DMD: variants seen among roughly 807,000 people sequenced by gnomAD.
DMD encodes the protein mutant dystrophin.
DMD carries 63 observed loss-of-function variants against 330.1 expected under a neutral mutation model. The ratio of observed to expected loss-of-function variants is 0.19; its 90% CI spans 0.16 to 0.24. The LOEUF (loss-of-function observed/expected upper bound fraction) is 0.24, where lower values mean the gene tolerates loss of function less well. DMD is among the 10% of genes least tolerant of loss of function. The pLI, the probability that DMD is intolerant of heterozygous loss-of-function variation, is 1.00. For synonymous variants in DMD, 1,223 were observed against 959.8 expected, an observed-to-expected ratio of 1.27 and a Z score of -5.07; for missense variants, 3,344 against 2,684.1, an observed-to-expected ratio of 1.25 and a Z score of -5.43.
intron 29 of DMD, among the ~76,000 whole-genome samples, chrX:32,437,088 A>G (rs750997221): frequency 8.9e-6 from 1 of 112,425 alleles, no homozygotes; most frequent in South Asian, 3.7e-4. Flanking sequence ...TTCCAATTCC[A>G]TATCACAACC....
In DMD at chrX:32,234,274, G is replaced by A. The variant is rs920081195; in HGVS notation, c.6291-17211C>T. On this transcript the variant is annotated intron_variant, in intron 43 of 78. Coordinates refer to ENST00000357033, the MANE Select transcript of DMD (RefSeq NM_004006.3). ...TTTATTGCCTATCAGTTTTAACCACGTGCAAATGAACGTTATGCAAGATGA... is the reference window on the plus strand; with the variant it reads ...TTTATTGCCTATCAGTTTTAACCACATGCAAATGAACGTTATGCAAGATGA... Among the ~76,000 whole-genome samples, 5 of 112,244 alleles carry A rather than the reference G, an allele frequency of 4.5e-5. No homozygotes were observed. The Admixed American group carries it at 4.7e-4, about 11-fold the overall frequency.
intron 62 of DMD, among the ~76,000 whole-genome samples, chrX:31,279,638 T>C (rs1227792946): frequency 1.8e-5 from 2 of 112,472 alleles, no homozygotes; most frequent in Non-Finnish European, 3.8e-5. Context: ...GATGACAGCC[T>C]GTCAACCATC....
intron 2 of DMD, among the ~76,000 whole-genome samples, chrX:32,904,606 G>T (rs377175683): frequency 8.9e-6 from 1 of 111,790 alleles, no homozygotes; most frequent in African/African-American, 3.2e-5. Flanking sequence ...ATGGAGTCTC[G>T]CTCTGTCACC....
At chrX:32,414,723 G>A (rs774979255) in intron 29 of DMD, among the ~76,000 whole-genome samples, 1 of 112,113 alleles carries the variant, frequency 8.9e-6, no homozygotes, top group East Asian at 2.8e-4. Context: ...ACTGCTCAGA[G>A]ATGTATCTTT....
rs186581718 is a variant in DMD, at chrX:32,091,626, G to T, written c.6439-123112C>A. On this transcript the variant is annotated intron_variant, in intron 44 of 78. Coordinates refer to ENST00000357033, the MANE Select transcript of DMD (RefSeq NM_004006.3). ...TTAAAATGGTCCCATCTAATCCACA[G>T]GTTTTTAAAGTTACAGTTAATAATC... 2.7e-5 allele frequency among the ~76,000 whole-genome samples: 3 copies of T among 110,447 alleles called. No individual in the cohort carries two copies. The East Asian group carries it at 8.6e-4, about 31-fold the overall frequency.
At chrX:32,951,059 A>G (rs1335942031) in intron 2 of DMD, among the ~76,000 whole-genome samples, 3 of 111,729 alleles carry the variant, frequency 2.7e-5, no homozygotes, top group Non-Finnish European at 5.6e-5. Context: ...ATAAACTGAG[A>G]AAATCATCAG....
intron 9 of DMD, among the ~76,000 whole-genome samples, chrX:32,662,682 G>C (rs2061023501): frequency 9.0e-6 from 1 of 111,546 alleles, no homozygotes; most frequent in South Asian, 3.7e-4. Context: ...AGATTATCTG[G>C]AGGTGTTATT....
chrX:32,451,437 T>C (rs774247625), intron 26 of DMD, among the ~76,000 whole-genome samples: 44 of 110,734 alleles, frequency 4.0e-4, no homozygotes, highest in Non-Finnish European at 4.4e-4. Flanking sequence ...CTTTCCAGAG[T>C]GTTTTTCAAA....
rs1334797681 is a variant in DMD at position 32,064,503 on chromosome X, C to G, written c.6439-95989G>C. Reference sequence around the variant, plus strand: ...ACATCTACATTAATTTAAACCTTGGCAAACGTTAAACAAGTAAATTACGAA... The same window carrying G: ...ACATCTACATTAATTTAAACCTTGGGAAACGTTAAACAAGTAAATTACGAA... On this transcript the variant is annotated intron_variant, in intron 44 of 78. Coordinates refer to ENST00000357033, the MANE Select transcript of DMD (RefSeq NM_004006.3). 5.4e-5 allele frequency among the ~76,000 whole-genome samples: 6 copies of G among 111,524 alleles called. No homozygotes were observed. In the Admixed American group the frequency reaches 5.7e-4, roughly 11 times the overall value.
In DMD at chrX:32,565,886, T is replaced by G. The variant is rs1569214740; in HGVS notation, c.1813-5A>C. The G allele has an allele frequency of 8.3e-7, 1 of 1,205,717 alleles. No homozygotes were observed. Among genetic ancestry groups the G allele is most frequent in the Admixed American group, 2.2e-5 (1 of 45,780 alleles). On this transcript the variant is annotated splice_polypyrimidine_tract_variant and splice_region_variant and intron_variant, in intron 15 of 78. Transcript: ENST00000357033. ...TTCTAGATCCGCTTTTAAAACCTGT[T>G]AAAACAAGAAAGATCACAGAATAAG...
intron 52 of DMD, among the ~76,000 whole-genome samples, chrX:31,713,999 C>A (rs971247537): frequency 8.9e-5 from 10 of 111,754 alleles, no homozygotes; most frequent in Admixed American, 2.9e-4. Context: ...AGGTTGATTT[C>A]TTTGTGTAAA....
At chrX:32,933,904 C>G (rs1392459221) in intron 2 of DMD, among the ~76,000 whole-genome samples, 2 of 111,746 alleles carry the variant, frequency 1.8e-5, no homozygotes, top group Non-Finnish European at 3.8e-5. Flanking sequence ...GGGTCTTTAT[C>G]TCAATGCCAT....
At chrX:32,067,888 G>A (rs2096269823) in intron 44 of DMD, among the ~76,000 whole-genome samples, 1 of 111,655 alleles carries the variant, frequency 9.0e-6, no homozygotes, top group Non-Finnish European at 1.9e-5. Flanking sequence ...GGGATTGATG[G>A]GTCAAATGAT....
chrX:31,480,919 CG>C (rs1569546332), intron 57 of DMD, among the ~76,000 whole-genome samples: 1 of 111,334 alleles, frequency 9.0e-6, no homozygotes, highest in Non-Finnish European at 1.9e-5. Flanking sequence ...GGAAGAAAAT[CG>C]GGAAAAGCTT....
At chrX:32,773,157 G>A (rs980051656) in intron 7 of DMD, among the ~76,000 whole-genome samples, 3 of 112,135 alleles carry the variant, frequency 2.7e-5, no homozygotes, top group Admixed American at 9.5e-5. Context: ...GACATTACAG[G>A]TGTTTCTATG....
intron 2 of DMD, among the ~76,000 whole-genome samples, chrX:32,956,920 A>T (rs994667571): frequency 8.9e-6 from 1 of 111,920 alleles, no homozygotes; most frequent in African/African-American, 3.2e-5. Flanking sequence ...GTTTGTTTAA[A>T]TATTTAGTGG....
At chrX:32,165,859 G>A (rs906662947) in intron 44 of DMD, among the ~76,000 whole-genome samples, 2 of 110,873 alleles carry the variant, frequency 1.8e-5, no homozygotes, top group African/African-American at 6.6e-5. Context: ...GATAGTGAGT[G>A]AATTCTCCCA....
At chrX:31,802,110 G>C (rs930080078) in intron 50 of DMD, among the ~76,000 whole-genome samples, 1 of 111,133 alleles carries the variant, frequency 9.0e-6, no homozygotes, top group Admixed American at 9.6e-5. Flanking sequence ...ACAGTATCTG[G>C]TATAAGGATG....
chrX:32,504,993 T>A (rs1166266038), intron 18 of DMD, among the ~76,000 whole-genome samples: 1 of 112,304 alleles, frequency 8.9e-6, no homozygotes, highest in Non-Finnish European at 1.9e-5. Flanking sequence ...ATTGTGGTGT[T>A]CATATAATTC....
Sources: allele counts gnomAD v4.1 joint callset (sites outside exome capture counted in the v4.1 genomes callset), GRCh38; gene constraint gnomAD v4.1.1; transcripts MANE v1.5; gene names NCBI Gene and HGNC (gene_info 2026-07-23, HGNC 2026-07-21).